PDE3B: variants seen among roughly 807,000 people sequenced by gnomAD.
PDE3B encodes the protein cGMP-inhibited 3',5'-cyclic phosphodiesterase 3B.
Under a neutral mutation model 116.8 loss-of-function variants are expected in PDE3B, and 66 were observed. That is an observed-to-expected ratio of 0.56 (90% CI 0.46 to 0.69). The LOEUF is 0.69. Ranked by LOEUF, PDE3B falls within the 30% of genes least tolerant of loss-of-function variation. The pLI is 0.00. For missense variants in PDE3B, 1,384 were observed against 1,368.1 expected (o/e 1.01, Z -0.18); for synonymous variants, 595 against 533.6 (o/e 1.12, Z -1.59).
intron 1 of PDE3B, among the ~76,000 whole-genome samples, chr11:14,658,437 AC>A (rs543595841): frequency 2.1e-3 from 321 of 152,040 alleles, no homozygotes; most frequent in Non-Finnish European, 3.7e-3. Context: ...GCTCACTGCA[AC>A]CTCCGTCTCC....
At chr11:14,659,453 G>A (rs923071584) in intron 1 of PDE3B, among the ~76,000 whole-genome samples, 5 of 152,174 alleles carry the variant, frequency 3.3e-5, no homozygotes, top group Non-Finnish European at 7.3e-5. Context: ...CAAGGAAGAA[G>A]ATGGTAGTAA....
intron 12 of PDE3B, among the ~76,000 whole-genome samples, chr11:14,845,172 A>G (rs1463132172): frequency 6.6e-6 from 1 of 151,868 alleles, no homozygotes; most frequent in Non-Finnish European, 1.5e-5. Context: ...AGCAGCGTTC[A>G]CGGTTCACGA....
intron 2 of PDE3B, chr11:14,775,778 C>G (rs192405338): frequency 1.2e-4 from 18 of 152,394 alleles, no homozygotes; most frequent in Non-Finnish European, 2.5e-4. Context: ...CTCAGGTGAT[C>G]TGCCCACCTC....
At chr11:14,862,469 C>A (rs1847968596) in intron 14 of PDE3B, among the ~76,000 whole-genome samples, 1 of 152,176 alleles carries the variant, frequency 6.6e-6, no homozygotes, top group South Asian at 2.1e-4. Flanking sequence ...TAACTCCCTG[C>A]AGTAGGAACA....
rs1848130587 is a variant in PDE3B at position 14,870,867 on chromosome 11, TATTA to T, written c.*1209_*1212del. 1 of 152,188 alleles carries T rather than the reference TATTA, an allele frequency of 6.6e-6. No homozygotes were observed. Among genetic ancestry groups the T allele is most frequent in the African/African-American group, 2.4e-5 (1 of 41,454 alleles). The allele number at this position is 152,188 out of a possible 1,614,324, so 9.4% of individuals were successfully genotyped here. ...TAAATCATTTCATACAAAAGTACATTATTAAATAACCACATTATTAAAATAATTG... is the reference window on the plus strand; with the variant it reads ...TAAATCATTTCATACAAAAGTACATTAATAACCACATTATTAAAATAATTG... On this transcript the variant is annotated 3_prime_UTR_variant, in exon 16 of 16. Transcript: ENST00000282096. This position sits in a 1 kb window ranked among gnomAD's most constrained non-coding sequence, Gnocchi z 4.1.
At chr11:14,755,246 A>G (rs1351195349) in intron 1 of PDE3B, among the ~76,000 whole-genome samples, 1 of 152,200 alleles carries the variant, frequency 6.6e-6, no homozygotes, top group African/African-American at 2.4e-5. Flanking sequence ...TCCCACACAA[A>G]TTTATGGCAG....
At chr11:14,742,293 A>G (rs1856796559) in intron 1 of PDE3B, among the ~76,000 whole-genome samples, 1 of 151,882 alleles carries the variant, frequency 6.6e-6, no homozygotes, top group Non-Finnish European at 1.5e-5. Flanking sequence ...GTTCCTTTTC[A>G]TTCTGTTTTC....
intron 12 of PDE3B, among the ~76,000 whole-genome samples, chr11:14,845,153 C>A (rs1383706682): frequency 2.0e-5 from 3 of 151,934 alleles, no homozygotes; most frequent in Non-Finnish European, 2.9e-5. Context: ...TCCAGAGGAA[C>A]GATCAGACAG....
At position 14,830,985 on chromosome 11, in the gene PDE3B, G is replaced by A. The variant is rs1859867582; in HGVS notation, c.1956+139G>A. 9.6e-6 allele frequency: 4 copies of A among 416,324 alleles called. No individual in the cohort carries two copies. The South Asian group carries it at 3.6e-4, about 37-fold the overall frequency. 25.8% of individuals were successfully genotyped at this position (416,324 alleles called of 1,614,324 possible). On this transcript the variant is annotated intron_variant, in intron 8 of 15. Coordinates refer to ENST00000282096, the MANE Select transcript of PDE3B (RefSeq NM_000922.4). ...TTTTTACTTATAAGTCACTATAACT[G>A]AAATATTGCTTGGGTTACAAATAAT...
chr11:14,819,097 C>A (rs1229492919), intron 6 of PDE3B, 39 bp from the exon 7 acceptor site: 2 of 1,252,884 alleles, frequency 1.6e-6, no homozygotes, highest in Non-Finnish European at 2.3e-6. Context: ...AAACTTGTAC[C>A]TCATTTACCG....
chr11:14,782,306 A>G (rs998103455), intron 2 of PDE3B, among the ~76,000 whole-genome samples: 4 of 152,220 alleles, frequency 2.6e-5, no homozygotes, highest in Non-Finnish European at 4.4e-5. Flanking sequence ...TGCCAAGACA[A>G]TCCTAAGCCA....
chr11:14,815,682 T>C lies in PDE3B; in HGVS notation c.1523-2501T>C, dbSNP rs535326442. Among the ~76,000 whole-genome samples the C allele has an allele frequency of 7.6e-4, 116 of 152,196 alleles. 1 individual carries two copies. Among genetic ancestry groups the C allele is most frequent in the Non-Finnish European group, 1.4e-3 (92 of 68,012 alleles). ...CATCTTTCTTTTGATAAGAAGCTAG[T>C]CACAGGTGTTTTCTACACAAAGACA... On this transcript the variant is annotated intron_variant, in intron 5 of 15. Coordinates refer to ENST00000282096, the MANE Select transcript of PDE3B (RefSeq NM_000922.4).
intron 11 of PDE3B, among the ~76,000 whole-genome samples, chr11:14,835,323 T>C (rs1860020032): frequency 6.6e-6 from 1 of 152,224 alleles, no homozygotes; most frequent in South Asian, 2.1e-4. Flanking sequence ...TAAAGATAGA[T>C]TAATATTCAG....
At chr11:14,848,780 A>G (rs999940772) in intron 12 of PDE3B, among the ~76,000 whole-genome samples, 2 of 152,206 alleles carry the variant, frequency 1.3e-5, no homozygotes, top group African/African-American at 4.8e-5. Flanking sequence ...TCCAACTTAC[A>G]AGGGATGTGA....
chr11:14,736,347 GAATT>G (rs1261658696), intron 1 of PDE3B, among the ~76,000 whole-genome samples: 3 of 152,186 alleles, frequency 2.0e-5, no homozygotes, highest in Admixed American at 6.5e-5. Flanking sequence ...GGTTTTCTGT[GAATT>G]AATAATTTTG....
intron 12 of PDE3B, among the ~76,000 whole-genome samples, chr11:14,853,032 TACTC>T (rs1847785023): frequency 6.6e-6 from 1 of 151,728 alleles, no homozygotes; most frequent in Non-Finnish European, 1.5e-5. Flanking sequence ...TTTTTTAACT[TACTC>T]AAGTCTAGTC....
intron 6 of PDE3B, 121 bp downstream of exon 6, chr11:14,818,514 G>C (rs1859405485): frequency 1.6e-6 from 1 of 635,642 alleles, no homozygotes. Flanking sequence ...GTTTTTTTCG[G>C]TGTTATAATG....
At position 14,738,081 on chromosome 11, in the gene PDE3B, G is replaced by A. The variant is rs535291799; in HGVS notation, c.979-33856G>A. On this transcript the variant is annotated intron_variant, in intron 1 of 15. Coordinates refer to ENST00000282096, the MANE Select transcript of PDE3B (RefSeq NM_000922.4). ...GTGAATAGGGCCACAATAAACATAC[G>A]TGTGCATGTGTCTTTATAGCAGCAT... Among the ~76,000 whole-genome samples, 147 of 152,198 alleles carry A rather than the reference G, an allele frequency of 9.7e-4. 1 individual carries two copies. The highest frequency in any genetic ancestry group is 1.8e-3 in the Non-Finnish European group (121 of 68,020).
intron 1 of PDE3B, chr11:14,673,757 T>TA: frequency 1.3e-6 from 1 of 775,802 alleles, no homozygotes; most frequent in Non-Finnish European, 2.4e-6. Flanking sequence ...TTCGTACAAG[T>TA]AATCTCAGGA....
Sources: gnomAD v4.1 joint callset for allele counts (sites outside exome capture counted in the v4.1 genomes callset) on GRCh38, gnomAD v4.1.1 for gene constraint, Gnocchi (gnomAD v3.1) non-coding constraint, MANE v1.5 for transcripts, NCBI Gene and HGNC (gene_info 2026-07-23, HGNC 2026-07-21) for gene names.